MPND: variants seen among roughly 807,000 people sequenced by gnomAD.
MPND encodes MPN domain containing.
MPND carries 56 observed loss-of-function variants against 59.2 expected under a neutral mutation model. The observed-to-expected ratio is 0.95, with a 90% CI of 0.76 to 1.18. MPND has a LOEUF of 1.18. Ranked by LOEUF, MPND falls within the 50% of genes most tolerant of loss-of-function variation. The pLI is 0.00. For synonymous variants in MPND, 323 were observed against 291.9 expected (o/e 1.11, Z -1.09); for missense variants, 671 against 676.0 (o/e 0.99, Z 0.08).
chr19:4,344,009 T>C lies in MPND; in HGVS notation c.294+15T>C, dbSNP rs1430653637. 1.5e-6 allele frequency: 2 copies of C among 1,306,718 alleles called. No homozygotes were observed. Among genetic ancestry groups the C allele is most frequent in the Non-Finnish European group, 1.9e-6 (2 of 1,029,578 alleles). The allele number at this position is 1,306,718 out of a possible 1,614,324, so 80.9% of individuals were successfully genotyped here. On this transcript the variant is annotated intron_variant, in intron 2 of 12. Transcript: ENST00000599840. ...TCTACTACCTGGTGAGCACCCCGCC[T>C]CCCTCGTCCCATCGCGGCTCGGGCA... is the stretch of plus-strand genomic sequence containing the variant.
chr19:4,352,766 C>A (rs11668153), intron 3 of MPND, 131 bp from the exon 4 acceptor site: 24 of 865,210 alleles, frequency 2.8e-5, no homozygotes, highest in African/African-American at 5.3e-5. Context: ...TGCTCCCTCC[C>A]TCCCTCTAGT....
rs1381690672 is a variant in MPND, at chr19:4,343,791, G to A, written c.91G>A (p.Glu31Lys). The A allele has an allele frequency of 5.0e-6, 6 of 1,210,106 alleles. No homozygotes were observed. The highest frequency in any genetic ancestry group is 2.1e-6 in the Non-Finnish European group (2 of 973,822). The allele number at this position is 1,210,106 out of a possible 1,614,324, so 75.0% of individuals were successfully genotyped here. A position where few individuals can be genotyped will look rare whatever the true frequency, so the allele number is the denominator to read the frequency against. Residue 31 changes from glutamate (E) to lysine (K), a missense_variant, in exon 2 of 13, where the codon GAG (glutamate) becomes AAG (lysine). By Grantham distance (56) the Glu-to-Lys change is moderately conservative. Coordinates refer to ENST00000599840, the MANE Select transcript of MPND (RefSeq NM_001300862.2). ...GGACGAAGCGGAGGCCGAGGACCCTGAGCGGCCGAATGCGGGAGCGGGCGG... is the reference window on the plus strand; with the variant it reads ...GGACGAAGCGGAGGCCGAGGACCCTAAGCGGCCGAATGCGGGAGCGGGCGG... Reference protein sequence around the residue: ...DEDEAEAEDPERPNAGAGGGR... With the variant: ...DEDEAEAEDPKRPNAGAGGGR...
At chr19:4,344,672 G>C (rs1972145086) in intron 2 of MPND, among the ~76,000 whole-genome samples, 1 of 151,670 alleles carries the variant, frequency 6.6e-6, no homozygotes, top group Non-Finnish European at 1.5e-5. Context: ...ATGGTTAAAT[G>C]AATAAAGCCC....
intron 12 of MPND, among the ~76,000 whole-genome samples, 195 bp from the exon 13 acceptor site, chr19:4,359,721 G>A (rs532881866): frequency 4.7e-4 from 71 of 152,202 alleles, no homozygotes; most frequent in Middle Eastern, 3.4e-3. Flanking sequence ...ACACAGCACC[G>A]CTGCCCCTGG....
rs112901068 is a variant in MPND, at chr19:4,343,911, A to C, written c.211A>C (p.Thr71Pro). The change falls in exon 2 of 13, where the codon ACC becomes CCC. Residue 71 changes from threonine to proline, a missense_variant. Transcript: ENST00000599840. ...GGCGGPGGAL[T>P]RRAVTLRVLL... ...CTGCGGCGGGCCCGGGGGCGCGCTC[A>C]CCAGGCGCGCGGTCACACTGCGGGT... 10 of 1,281,240 alleles carry C rather than the reference A, an allele frequency of 7.8e-6. No homozygotes were observed. The East Asian group carries it at 2.2e-4, about 28-fold the overall frequency. 79.4% of individuals were successfully genotyped at this position (1,281,240 alleles called of 1,614,324 possible).
rs1452245365 is a variant in MPND at position 4,357,158 on chromosome 19, T to A, written c.997-95T>A. ...GTCATCACTGTGTCCCCAGGCCTGA[T>A]ACACAGCAGGAATTCGTTCAGGGCT... On this transcript the variant is annotated intron_variant, in intron 8 of 12. Transcript: ENST00000599840. The A allele has an allele frequency of 3.0e-5, 42 of 1,377,198 alleles. 1 individual carries two copies. The South Asian group carries it at 4.9e-4, about 16-fold the overall frequency. The allele number at this position is 1,377,198 out of a possible 1,614,324, so 85.3% of individuals were successfully genotyped here. A position where few individuals can be genotyped will look rare whatever the true frequency, so the allele number is the denominator to read the frequency against.
In MPND at chr19:4,345,822, C is replaced by T. The variant is rs1175340550; in HGVS notation, c.372C>T (p.Pro124=). 1 of 1,614,020 alleles carries T rather than the reference C, an allele frequency of 6.2e-7. No individual in the cohort carries two copies. The highest frequency in any genetic ancestry group is 1.1e-5 in the South Asian group (1 of 91,078). ...WQETGQTFNS[P]SAWATHCKKL... The stretch of plus-strand genomic sequence containing the variant: ...AGACCGGGCAGACCTTCAACTCACC[C>T]AGCGCCTGGGCCACCCACTGCAAGA... Residue 124 remains proline (P), a synonymous_variant, in exon 3 of 13, where the codon CCC becomes CCT. Coordinates refer to ENST00000599840, the MANE Select transcript of MPND (RefSeq NM_001300862.2).
At chr19:4,352,665 CAGAG>C (rs918545121) in intron 3 of MPND, among the ~76,000 whole-genome samples, 1 of 152,090 alleles carries the variant, frequency 6.6e-6, no homozygotes, top group African/African-American at 2.4e-5. Flanking sequence ...GACTGGGCGA[CAGAG>C]AGAGACTCCG....
In MPND at chr19:4,357,985, G is replaced by A. The variant is rs752601389; in HGVS notation, c.1237-98G>A. Reference sequence around the variant, plus strand: ...CCGGTGCAGAGCTGAGCCGGGGTGTGCACTCTCCCGTTCCCAGCCCGGGCA... The same window carrying A: ...CCGGTGCAGAGCTGAGCCGGGGTGTACACTCTCCCGTTCCCAGCCCGGGCA... On this transcript the variant is annotated intron_variant, in intron 10 of 12. Transcript: ENST00000599840. The A allele has an allele frequency of 8.4e-6, 8 of 957,864 alleles. 1 individual carries two copies. In the South Asian group the frequency reaches 8.8e-5, roughly 10 times the overall value. 59.3% of individuals were successfully genotyped at this position (957,864 alleles called of 1,614,324 possible).
chr19:4,357,203 C>A (rs1204943631), intron 8 of MPND, 50 bp from the exon 9 acceptor site: 1 of 1,531,044 alleles, frequency 6.5e-7, no homozygotes. Context: ...CATAAGCTCA[C>A]TAGAGCCGTT....
chr19:4,350,137 G>C (rs150816512), intron 3 of MPND, among the ~76,000 whole-genome samples: 2 of 152,104 alleles, frequency 1.3e-5, no homozygotes, highest in African/African-American at 4.8e-5. Flanking sequence ...AAGGTGGGGA[G>C]GGAGGGAGGG....
In MPND at chr19:4,359,292, C is replaced by T. The variant is rs549639802; in HGVS notation, c.1419+37C>T. ...GTCCCCGCAGACCTCCTAACGGGGC[C>T]CCAGGAGAGGCCCCCTGGGCAGCCT... On this transcript the variant is annotated intron_variant, in intron 12 of 12. Coordinates refer to ENST00000599840, the MANE Select transcript of MPND (RefSeq NM_001300862.2). 1.7e-5 allele frequency: 26 copies of T among 1,529,720 alleles called. No homozygotes were observed. The South Asian group carries it at 2.7e-4, about 16-fold the overall frequency. 94.8% of individuals were successfully genotyped at this position (1,529,720 alleles called of 1,614,324 possible).
chr19:4,357,571 A>G lies in MPND; in HGVS notation c.1222A>G (p.Met408Val), dbSNP rs761926234. 1 of 1,612,850 alleles carries G rather than the reference A, an allele frequency of 6.2e-7. No homozygotes were observed. Among genetic ancestry groups the G allele is most frequent in the Non-Finnish European group, 8.5e-7 (1 of 1,179,476 alleles). Residue 408 changes from methionine to valine, a missense_variant, in exon 10 of 13, where the codon ATG becomes GTG. By Grantham distance (21) the Met-to-Val change is conservative (BLOSUM62 1). Coordinates refer to ENST00000599840, the MANE Select transcript of MPND (RefSeq NM_001300862.2). Reference sequence around the variant, plus strand: ...GTCCAAGATCTCACCTTTCTGGGTGATGCCTCCTCCCGAGGTAGGTGGGGC... The same window carrying G: ...GTCCAAGATCTCACCTTTCTGGGTGGTGCCTCCTCCCGAGGTAGGTGGGGC... ...PESKISPFWV[M>V]PPPEQRPSDY...
rs376253534 is a variant in MPND, at chr19:4,345,960, G to A, written c.510G>A (p.Thr170=). Residue 170 remains threonine, a synonymous_variant, in exon 3 of 13, where the codon ACG becomes ACA. Transcript: ENST00000599840. ...GGCTCCGGCTGCACCAGCTGCACACGCCTGCCACGGCTGCTGATGAGGTAC... is the reference window on the plus strand; with the variant it reads ...GGCTCCGGCTGCACCAGCTGCACACACCTGCCACGGCTGCTGATGAGGTAC... ...ATWLRLHQLH[T]PATAADESPA... is the part of the protein sequence containing the mutation. The A allele has an allele frequency of 2.3e-5, 37 of 1,612,012 alleles. No homozygotes were observed. The highest frequency in any genetic ancestry group is 1.3e-4 in the African/African-American group (10 of 74,922).
intron 3 of MPND, among the ~76,000 whole-genome samples, chr19:4,346,512 G>A (rs1318435393): frequency 6.6e-6 from 1 of 151,902 alleles, no homozygotes. Flanking sequence ...TCACCTCCTG[G>A]GTTCAAGCGA....
rs761447899 is a variant in MPND, at chr19:4,359,260, G to C, written c.1419+5G>C. The C allele has an allele frequency of 1.2e-6, 2 of 1,611,802 alleles. No homozygotes were observed. The highest frequency in any genetic ancestry group is 3.3e-5 in the Admixed American group (2 of 59,988). On this transcript the variant is annotated splice_donor_5th_base_variant and intron_variant, in intron 12 of 12. Coordinates refer to ENST00000599840, the MANE Select transcript of MPND (RefSeq NM_001300862.2). ...ACCTACCTCGACAAGCTTAAGGTGA[G>C]CCCCAAGTCCCCGCAGACCTCCTAA... is the stretch of plus-strand genomic sequence containing the variant.
At chr19:4,349,990 G>A (rs1025781190) in intron 3 of MPND, among the ~76,000 whole-genome samples, 1 of 152,134 alleles carries the variant, frequency 6.6e-6, no homozygotes, top group Admixed American at 6.6e-5. Flanking sequence ...CCAACTGTGT[G>A]CAAGGCCTGT....
rs972755100 is a variant in MPND, at chr19:4,354,184, G to T, written c.749+55G>T. On this transcript the variant is annotated intron_variant, in intron 5 of 12. Coordinates refer to ENST00000599840, the MANE Select transcript of MPND (RefSeq NM_001300862.2). ...CCCAGCTCACCTGGATCTCTTGCTG[G>T]TCTTGGGGTAGCAAGGGCAGGGGTG... 7.6e-6 allele frequency: 12 copies of T among 1,573,482 alleles called. No homozygotes were observed. In the African/African-American group the frequency reaches 1.3e-4, roughly 18 times the overall value.
chr19:4,352,765 C>T (rs1972347284), intron 3 of MPND, 132 bp from the exon 4 acceptor site: 2 of 852,134 alleles, frequency 2.3e-6, no homozygotes, highest in Non-Finnish European at 3.2e-6. Context: ...CTGCTCCCTC[C>T]CTCCCTCTAG....
Sources: gnomAD v4.1 joint callset for allele counts (sites outside exome capture counted in the v4.1 genomes callset) on GRCh38, gnomAD v4.1.1 for gene constraint, MANE v1.5 for transcripts, NCBI Gene and HGNC (gene_info 2026-07-23, HGNC 2026-07-21) for gene names.